Variants in TIAM2 observed in about 807,000 individuals in gnomAD.
TIAM2 encodes the protein TIAM Rac1 associated GEF 2, also known as rho guanine nucleotide exchange factor TIAM2.
In TIAM2, 80 loss-of-function variants were observed where a neutral mutation model predicts 152.9. The ratio of observed to expected loss-of-function variants is 0.52; its 90% CI spans 0.44 to 0.63. TIAM2 has a LOEUF of 0.63. TIAM2 is among the 30% of genes least tolerant of loss of function. The pLI is 0.00. For missense variants in TIAM2, 1,965 were observed against 2,120.1 expected, an observed-to-expected ratio of 0.93 and a Z score of 1.44; for synonymous variants, 804 against 838.0, an observed-to-expected ratio of 0.96 and a Z score of 0.70.
chr6:155,083,168 C>T (rs750545845), intron 1 of TIAM2, among the ~76,000 whole-genome samples: 12 of 151,766 alleles, frequency 7.9e-5, no homozygotes, highest in South Asian at 2.1e-4. Flanking sequence ...GTGAACATGG[C>T]GAAACCCCTG....
chr6:155,173,583 G>A (rs1001234137), intron 9 of TIAM2, among the ~76,000 whole-genome samples: 2 of 152,152 alleles, frequency 1.3e-5, no homozygotes, highest in Admixed American at 6.5e-5. Flanking sequence ...AACGGACAGC[G>A]TTTACCCTTC....
At chr6:155,245,804 AT>A in intron 19 of TIAM2, 73 bp downstream of exon 19, 1 of 1,014,774 alleles carries the variant, frequency 9.9e-7, no homozygotes, top group Non-Finnish European at 1.4e-6. Context: ...GTAAATCTGT[AT>A]TTAACAAGTA....
intron 1 of TIAM2, among the ~76,000 whole-genome samples, chr6:155,068,345 T>G (rs1318142040): frequency 6.6e-6 from 1 of 152,220 alleles, no homozygotes; most frequent in Non-Finnish European, 1.5e-5. Context: ...TCTCTGTCTT[T>G]TATCAATCTC....
intron 22 of TIAM2, 24 bp from the exon 23 acceptor site, chr6:155,251,921 T>G (rs1783681103): frequency 1.3e-6 from 2 of 1,577,416 alleles, no homozygotes; most frequent in South Asian, 1.1e-5. Context: ...AATAAAGACT[T>G]TCTTTCTCTT....
intron 21 of TIAM2, chr6:155,250,400 G>T: frequency 1.8e-6 from 1 of 560,996 alleles, no homozygotes. Context: ...TTATCTGATT[G>T]CTTAATTTAG....
intron 1 of TIAM2, among the ~76,000 whole-genome samples, chr6:155,013,326 C>G (rs137951737): frequency 6.6e-6 from 1 of 152,008 alleles, no homozygotes; most frequent in African/African-American, 2.4e-5. Flanking sequence ...CTCTGTATTC[C>G]GAGTTTGATG....
chr6:155,174,304 G>T lies in TIAM2; in HGVS notation c.2362-2512G>T, dbSNP rs1780707958. Reference sequence around the variant, plus strand: ...GTGATGATGGTGCCTTCCTGAGAGGGCTGGCTGTGAGTGGTGAGTGAACTG... The same window carrying T: ...GTGATGATGGTGCCTTCCTGAGAGGTCTGGCTGTGAGTGGTGAGTGAACTG... On this transcript the variant is annotated intron_variant, in intron 9 of 26. Transcript: ENST00000682666. This position sits in a 1 kb window ranked among gnomAD's most constrained non-coding sequence, Gnocchi z 4.2. Among the ~76,000 whole-genome samples the T allele has an allele frequency of 6.6e-6, 1 of 152,036 alleles. No homozygotes were observed. The highest frequency in any genetic ancestry group is 2.1e-4 in the South Asian group (1 of 4,814).
chr6:155,237,394 A>G (rs1462670246), intron 15 of TIAM2, among the ~76,000 whole-genome samples: 1 of 152,200 alleles, frequency 6.6e-6, no homozygotes, highest in African/African-American at 2.4e-5. Flanking sequence ...CAGCTTTGCC[A>G]GGCACAGGGT....
chr6:155,138,960 G>A (rs1411297558), intron 5 of TIAM2, among the ~76,000 whole-genome samples: 1 of 152,166 alleles, frequency 6.6e-6, no homozygotes, highest in African/African-American at 2.4e-5. Flanking sequence ...TTGAGGAAGA[G>A]AGAAGCTCCA....
intron 14 of TIAM2, among the ~76,000 whole-genome samples, chr6:155,193,371 C>T (rs1229091547): frequency 3.3e-5 from 5 of 151,228 alleles, no homozygotes; most frequent in Non-Finnish European, 7.4e-5. Context: ...TGCCACCGCA[C>T]TCAGCCTGGG....
chr6:155,249,679 T>C (rs1200848540), intron 20 of TIAM2, among the ~76,000 whole-genome samples, 172 bp from the exon 21 acceptor site: 3 of 152,220 alleles, frequency 2.0e-5, no homozygotes, highest in African/African-American at 7.2e-5. Context: ...TGTTCTTCAT[T>C]CTAAGGGCTG....
At position 155,019,960 on chromosome 6, in the gene TIAM2, G is replaced by A. The variant is rs138237968; in HGVS notation, c.-209+24468G>A. The stretch of plus-strand genomic sequence containing the variant: ...CCCGGCTACTTGGGAGGCTGAGGCA[G>A]GAGAATCACATGAACCTGGAAGGCG... On this transcript the variant is annotated intron_variant, in intron 1 of 26. Transcript: ENST00000682666. Among the ~76,000 whole-genome samples, 919 of 152,254 alleles carry A rather than the reference G, an allele frequency of 6.0e-3. 10 individuals are homozygous for A. The highest frequency in any genetic ancestry group is 0.021 in the African/African-American group (873 of 41,548).
chr6:155,200,902 AAAAAT>A (rs1210640896), intron 14 of TIAM2, among the ~76,000 whole-genome samples: 17 of 152,278 alleles, frequency 1.1e-4, no homozygotes, highest in Admixed American at 7.2e-4. Context: ...ACTCTGTCTC[AAAAAT>A]AAAATAAAAT....
At chr6:155,141,980 C>T (rs908771649) in intron 5 of TIAM2, among the ~76,000 whole-genome samples, 4 of 152,200 alleles carry the variant, frequency 2.6e-5, no homozygotes, top group African/African-American at 4.8e-5. Context: ...CCAGTGTCAA[C>T]GACCCCTCCA....
Position 155,100,062 on chromosome 6 carries a change from C to T in TIAM2, c.-118+9683C>T, listed in dbSNP as rs541239345. Reference sequence around the variant, plus strand: ...ATATGCAGTCTGTCGTCGGCTATTACACTGTGATGCTGCACATGACTGTAT... The same window carrying T: ...ATATGCAGTCTGTCGTCGGCTATTATACTGTGATGCTGCACATGACTGTAT... On this transcript the variant is annotated intron_variant, in intron 2 of 26. Transcript: ENST00000682666. 3.9e-5 allele frequency among the ~76,000 whole-genome samples: 6 copies of T among 152,310 alleles called. No individual in the cohort carries two copies. The East Asian group carries it at 5.8e-4, about 15-fold the overall frequency.
At chr6:155,053,660 G>A (rs1446450869) in intron 1 of TIAM2, among the ~76,000 whole-genome samples, 2 of 151,964 alleles carry the variant, frequency 1.3e-5, no homozygotes, top group Non-Finnish European at 2.9e-5. Flanking sequence ...TAGTAGAGAC[G>A]GAGTTTTGCC....
At chr6:155,250,626 T>C in intron 21 of TIAM2, 3 of 1,535,918 alleles carry the variant, frequency 2.0e-6, no homozygotes, top group South Asian at 1.2e-5. Flanking sequence ...CGGACACTGG[T>C]AGAGTTCATC....
intron 1 of TIAM2, among the ~76,000 whole-genome samples, chr6:154,999,146 T>C (rs926466882): frequency 8.5e-5 from 13 of 152,254 alleles, no homozygotes; most frequent in African/African-American, 2.6e-4. Flanking sequence ...TTAAACTTTA[T>C]GGGAAAGATG....
At position 155,057,541 on chromosome 6, in the gene TIAM2, CTTTTTTTTT is replaced by C. The variant is rs71023613; in HGVS notation, c.-208-32733_-208-32725del. ...TTACTCTTTTTCTTTCCATAATGTA[CTTTTTTTTT>C]TTTTTTTTTTTTTTGAGACAGAGGC... On this transcript the variant is annotated intron_variant, in intron 1 of 26. Coordinates refer to ENST00000682666, the MANE Select transcript of TIAM2 (RefSeq NM_012454.4). Among the ~76,000 whole-genome samples the C allele has an allele frequency of 7.5e-5, 6 of 80,050 alleles. No homozygotes were observed. The East Asian group carries it at 1.9e-3, about 26-fold the overall frequency. 52.5% of individuals were successfully genotyped at this position (80,050 alleles called of 152,430 possible). A position where few individuals can be genotyped will look rare whatever the true frequency, so the allele number is the denominator to read the frequency against.
Sources: allele counts gnomAD v4.1 joint callset (sites outside exome capture counted in the v4.1 genomes callset), GRCh38; gene constraint gnomAD v4.1.1; non-coding constraint Gnocchi (gnomAD v3.1); transcripts MANE v1.5; gene names NCBI Gene and HGNC (gene_info 2026-07-23, HGNC 2026-07-21).